The following HEATR5B variants were observed in gnomAD, a reference collection of about 807,000 sequenced individuals.
HEATR5B encodes the protein HEAT repeat containing 5B, also known as HEAT repeat-containing protein 5B.
A neutral mutation model predicts 224.1 loss-of-function variants in HEATR5B; 156 were observed. That is an observed-to-expected ratio of 0.70 (90% CI 0.61 to 0.80). The LOEUF (loss-of-function observed/expected upper bound fraction) is 0.80, where lower values mean the gene tolerates loss of function less well. Ranked by LOEUF, HEATR5B falls within the 30% of genes least tolerant of loss-of-function variation. The probability of loss-of-function intolerance (pLI) is 0.00; values close to 1 mark genes in which losing one functional copy is unlikely to be tolerated. For missense variants in HEATR5B, 2,323 were observed against 2,535.5 expected, an observed-to-expected ratio of 0.92 and a Z score of 1.80; for synonymous variants, 1,027 against 893.0, an observed-to-expected ratio of 1.15 and a Z score of -2.68.
At chr2:37,029,936 A>AAAGTAAAT (rs1669017617) in intron 22 of HEATR5B, among the ~76,000 whole-genome samples, 1 of 142,466 alleles carries the variant, frequency 7.0e-6, no homozygotes, top group African/African-American at 2.6e-5. Flanking sequence ...TCTATCTCAA[A>AAAGTAAAT]AAATAAATAA....
At chr2:37,000,871 T>A (rs1007513828) in intron 32 of HEATR5B, 58 bp from the exon 33 acceptor site, 2 of 1,146,662 alleles carry the variant, frequency 1.7e-6, no homozygotes, top group African/African-American at 3.1e-5. Context: ...ATTATAGTTG[T>A]TTTCATTGCT....
chr2:37,002,122 C>T (rs1404487616), intron 32 of HEATR5B, among the ~76,000 whole-genome samples, 184 bp downstream of exon 32: 1 of 152,154 alleles, frequency 6.6e-6, no homozygotes, highest in African/African-American at 2.4e-5. Flanking sequence ...AGGTTTGTGA[C>T]TTTTTGAATC....
chr2:37,035,109 CAATT>C (rs1202512715), intron 21 of HEATR5B, among the ~76,000 whole-genome samples: 1 of 152,104 alleles, frequency 6.6e-6, no homozygotes, highest in Non-Finnish European at 1.5e-5. Context: ...AATTTAGTAA[CAATT>C]ACAGAGAATT....
intron 14 of HEATR5B, 35 bp from the exon 15 acceptor site, chr2:37,057,515 A>G (rs970756656): frequency 8.1e-6 from 12 of 1,483,720 alleles, no homozygotes; most frequent in East Asian, 4.8e-5. Flanking sequence ...ATTAAAAAGA[A>G]TAATTTTTGT....
chr2:37,029,989 CAA>C (rs1669023953), intron 22 of HEATR5B, among the ~76,000 whole-genome samples: 1 of 137,382 alleles, frequency 7.3e-6, no homozygotes. Flanking sequence ...TGGGAAAATC[CAA>C]AGAGTAACAA....
chr2:37,038,143 T>C, intron 20 of HEATR5B, 119 bp from the exon 21 acceptor site: 2 of 721,622 alleles, frequency 2.8e-6, no homozygotes, highest in Admixed American at 7.9e-5. Context: ...TCAGGTTTTT[T>C]TTGCTGTTGT....
chr2:37,045,801 C>T (rs1428697460), intron 18 of HEATR5B, among the ~76,000 whole-genome samples: 2 of 152,186 alleles, frequency 1.3e-5, no homozygotes, highest in African/African-American at 2.4e-5. Flanking sequence ...AAACTTTCTT[C>T]AAGCAGTAAT....
intron 33 of HEATR5B, among the ~76,000 whole-genome samples, chr2:36,998,822 C>T (rs1232448765): frequency 6.6e-6 from 1 of 151,896 alleles, no homozygotes; most frequent in Non-Finnish European, 1.5e-5. Flanking sequence ...AGTTATCTTA[C>T]TCTCTATATA....
At chr2:37,026,821 CAG>C (rs952730603) in intron 24 of HEATR5B, among the ~76,000 whole-genome samples, 10 of 152,140 alleles carry the variant, frequency 6.6e-5, no homozygotes, top group African/African-American at 2.2e-4. Flanking sequence ...GTTTTTGAGA[CAG>C]AGTCTTGCTC....
At chr2:37,078,127 G>A (rs896001593) in intron 3 of HEATR5B, among the ~76,000 whole-genome samples, 11 of 152,164 alleles carry the variant, frequency 7.2e-5, no homozygotes, top group African/African-American at 2.4e-4. Flanking sequence ...TCTTGGAAGT[G>A]GGCAGGTGGT....
intron 20 of HEATR5B, among the ~76,000 whole-genome samples, chr2:37,038,259 C>A (rs1669637382): frequency 6.6e-6 from 1 of 152,074 alleles, no homozygotes; most frequent in Non-Finnish European, 1.5e-5. Context: ...CCTGCCTCAG[C>A]CTCTGGAGTA....
In HEATR5B at chr2:37,053,486, T is replaced by C. The variant is rs372753910; in HGVS notation, c.2505+16A>G. The C allele has an allele frequency of 4.3e-6, 6 of 1,405,686 alleles. No homozygotes were observed. Among genetic ancestry groups the C allele is most frequent in the African/African-American group, 1.4e-5 (1 of 69,968 alleles). The allele number at this position is 1,405,686 out of a possible 1,614,324, so 87.1% of individuals were successfully genotyped here. A position where few individuals can be genotyped will look rare whatever the true frequency, so the allele number is the denominator to read the frequency against. On this transcript the variant is annotated intron_variant, in intron 17 of 35. Transcript: ENST00000233099. The stretch of plus-strand genomic sequence containing the variant: ...TAAAAACTTATTTCAGAATAGTATG[T>C]ATTAAAAGTAAATACCTTTAGTGCA...
rs200230334 is a variant in HEATR5B at position 37,032,632 on chromosome 2, C to T, written c.3358G>A (p.Ala1120Thr). 207 of 1,609,082 alleles carry T rather than the reference C, an allele frequency of 1.3e-4. No individual in the cohort carries two copies. The highest frequency in any genetic ancestry group is 3.3e-4 in the Middle Eastern group (2 of 6,046). The change falls in exon 22 of 36, where the codon GCC (alanine) becomes ACC (threonine). Residue 1120 changes from alanine (A) to threonine (T), a missense_variant. Ala to Thr is a moderately conservative substitution (Grantham distance 58, BLOSUM62 0). Transcript: ENST00000233099. ...ATTGACCAATAATATAACTTACTGG[C>T]ACTACTGCTCTCTTTGTCCCCTGTA... ...KNTGDKESSS[A>T]NVSPFAPGVS...
intron 33 of HEATR5B, among the ~76,000 whole-genome samples, chr2:36,997,635 C>T (rs1352355544): frequency 2.8e-5 from 4 of 145,080 alleles, no homozygotes; most frequent in East Asian, 2.1e-4. Flanking sequence ...GGCGCGATCT[C>T]GGCTCACTGC....
At position 37,072,300 on chromosome 2, in the gene HEATR5B, AAGTAAATAAC is replaced by A; in HGVS notation, c.598-29_598-20del. 6.4e-7 allele frequency: 1 copy of A among 1,564,754 alleles called. No homozygotes were observed. Among genetic ancestry groups the A allele is most frequent in the South Asian group, 1.1e-5 (1 of 88,770 alleles). ...GTAGACACTGGAATTAAAAACAAAA[AAGTAAATAAC>A]ATCCTATAACATCTGCTTCCAGAGA... On this transcript the variant is annotated intron_variant, in intron 5 of 35. Coordinates refer to ENST00000233099, the MANE Select transcript of HEATR5B (RefSeq NM_019024.3).
chr2:37,067,167 C>T (rs1330556515), intron 8 of HEATR5B, among the ~76,000 whole-genome samples: 1 of 152,102 alleles, frequency 6.6e-6, no homozygotes, highest in South Asian at 2.1e-4. Context: ...AGCTACCATG[C>T]CTGGCCAAAT....
rs369680339 is a variant in HEATR5B, at chr2:37,076,961, C to G, written c.397G>C (p.Ala133Pro). 9.3e-6 allele frequency: 15 copies of G among 1,613,970 alleles called. No homozygotes were observed. In the African/African-American group the frequency reaches 2.0e-4, roughly 22 times the overall value. Residue 133 changes from alanine to proline, a missense_variant, in exon 4 of 36, where the codon GCA (alanine) becomes CCA (proline). Transcript: ENST00000233099. ...YEKMGRMLGS[A>P]FPETVNNLLK... ...AGATTATTTACCGTTTCTGGAAATG[C>G]GCTGCCCAACATTCTCCCCATTTTT...
chr2:36,997,707 C>T (rs1287155118), intron 33 of HEATR5B, among the ~76,000 whole-genome samples: 1 of 151,958 alleles, frequency 6.6e-6, no homozygotes, highest in Non-Finnish European at 1.5e-5. Context: ...GCTGGGACTA[C>T]AGGCGCCCGC....
In HEATR5B at chr2:37,065,783, T is replaced by C; in HGVS notation, c.1305A>G (p.Ala435=). 3 of 1,613,882 alleles carry C rather than the reference T, an allele frequency of 1.9e-6. No homozygotes were observed. The highest frequency in any genetic ancestry group is 2.5e-6 in the Non-Finnish European group (3 of 1,179,830). ...TAGATGCTTCTTGAATAAGAGGGGA[T>C]GCGGTGGCATTCAAGCTCTGCACCA... ...GSLVQSLNAT[A]SPLIQEASIG... is the part of the protein sequence containing the mutation. Residue 435 remains alanine (A), a synonymous_variant, in exon 9 of 36, where the codon GCA becomes GCG. Transcript: ENST00000233099.
Sources: allele counts gnomAD v4.1 joint callset (sites outside exome capture counted in the v4.1 genomes callset), GRCh38; gene constraint gnomAD v4.1.1; transcripts MANE v1.5; gene names NCBI Gene and HGNC (gene_info 2026-07-23, HGNC 2026-07-21).